The following CLYBL variants were observed in gnomAD, a reference collection of about 807,000 sequenced individuals.
CLYBL encodes citramalyl-CoA lyase.
A neutral mutation model predicts 38.9 loss-of-function variants in CLYBL; 31 were observed. That is an observed-to-expected ratio of 0.80 (90% confidence interval 0.60 to 1.08). The LOEUF (loss-of-function observed/expected upper bound fraction) is 1.08, where lower values mean the gene tolerates loss of function less well. Among genes scored for constraint, CLYBL ranks in the 50% least tolerant of loss-of-function variants. CLYBL has a pLI of 0.00. For synonymous variants in CLYBL, 171 were observed against 158.6 expected (o/e 1.08, Z -0.59); for missense variants, 434 against 411.6 (o/e 1.05, Z -0.47).
chr13:99,743,804 A>G lies in CLYBL; in HGVS notation c.63-29020A>G, dbSNP rs193096208. 4.6e-5 allele frequency among the ~76,000 whole-genome samples: 7 copies of G among 152,318 alleles called. No homozygotes were observed. The East Asian group carries it at 1.3e-3, about 29-fold the overall frequency. ...AATTACAAAATTGTAATAAATTGTA[A>G]TAAATTGTAATTACAATATTGGTAT... On this transcript the variant is annotated intron_variant, in intron 1 of 8. Transcript: ENST00000339105.
intron 1 of CLYBL, among the ~76,000 whole-genome samples, chr13:99,684,330 C>T (rs184076860): frequency 1.3e-5 from 2 of 150,966 alleles, no homozygotes; most frequent in African/African-American, 4.9e-5. Context: ...CAGGTGCGTG[C>T]CACCACACCC....
At chr13:99,793,783 A>G (rs2049966597) in intron 2 of CLYBL, among the ~76,000 whole-genome samples, 1 of 152,090 alleles carries the variant, frequency 6.6e-6, no homozygotes, top group African/African-American at 2.4e-5. Context: ...TAGGAATCCA[A>G]TTAAGTAAGA....
intron 1 of CLYBL, among the ~76,000 whole-genome samples, chr13:99,768,478 C>A (rs1594169761): frequency 7.0e-6 from 1 of 143,792 alleles, no homozygotes; most frequent in African/African-American, 2.6e-5. Flanking sequence ...CAGGTGTGAG[C>A]CACTGCGCCC....
At chr13:99,669,249 G>A (rs755033464) in intron 1 of CLYBL, among the ~76,000 whole-genome samples, 1 of 152,052 alleles carries the variant, frequency 6.6e-6, no homozygotes, top group Non-Finnish European at 1.5e-5. Context: ...TGATCTGCCC[G>A]CCTCAGCCTC....
chr13:99,676,972 TAAA>T (rs35020187), intron 1 of CLYBL, among the ~76,000 whole-genome samples: 2 of 145,966 alleles, frequency 1.4e-5, no homozygotes, highest in Admixed American at 6.9e-5. Context: ...GACTAGAGGT[TAAA>T]AAAAAAAAAA....
chr13:99,677,187 A>G (rs993369884), intron 1 of CLYBL, among the ~76,000 whole-genome samples: 7 of 152,210 alleles, frequency 4.6e-5, no homozygotes, highest in African/African-American at 1.7e-4. Flanking sequence ...ATCTACCTGC[A>G]TTGGCGTATT....
intron 2 of CLYBL, among the ~76,000 whole-genome samples, chr13:99,784,449 C>CTTT (rs772465561): frequency 5.2e-4 from 27 of 52,116 alleles, no homozygotes; most frequent in South Asian, 3.0e-3. Flanking sequence ...AAAATTCTCT[C>CTTT]TTTTTTTTTT....
At position 99,704,048 on chromosome 13, in the gene CLYBL, A is replaced by G. The variant is rs566761634; in HGVS notation, c.63-68776A>G. On this transcript the variant is annotated intron_variant, in intron 1 of 8. Coordinates refer to ENST00000339105, the MANE Select transcript of CLYBL (RefSeq NM_206808.5). ...TGGTAAAGGAAAAAAGCACCTGTGG[A>G]AGTTATTTATGTAAAAGTTGCTTAT... is the stretch of plus-strand genomic sequence containing the variant. Among the ~76,000 whole-genome samples the G allele has an allele frequency of 4.6e-5, 7 of 152,254 alleles. No individual in the cohort carries two copies. The South Asian group carries it at 8.3e-4, about 18-fold the overall frequency.
intron 1 of CLYBL, among the ~76,000 whole-genome samples, chr13:99,634,755 T>C (rs958077879): frequency 1.3e-5 from 2 of 152,212 alleles, no homozygotes; most frequent in African/African-American, 4.8e-5. Context: ...TGTTTCTCCC[T>C]TGTAAGGAAT....
chr13:99,905,829 G>A (rs1034197015), intron 9 of CLYBL, among the ~76,000 whole-genome samples: 2 of 151,562 alleles, frequency 1.3e-5, no homozygotes, highest in African/African-American at 2.4e-5. Context: ...ACAGCTGCAC[G>A]ATCTCGGCTC....
At chr13:99,631,111 C>G (rs1413580255) in intron 1 of CLYBL, among the ~76,000 whole-genome samples, 1 of 152,130 alleles carries the variant, frequency 6.6e-6, no homozygotes, top group Non-Finnish European at 1.5e-5. Context: ...TACTTGAGCT[C>G]AGGAGTTCGA....
intron 7 of CLYBL, among the ~76,000 whole-genome samples, chr13:99,880,068 A>ATATATATTTTT (rs34063235): frequency 1.2e-4 from 12 of 101,188 alleles, no homozygotes; most frequent in African/African-American, 4.1e-4. Context: ...ATATATATAT[A>ATATATATTTTT]TTTTTTTTTT....
At chr13:99,644,963 A>C (rs886131697) in intron 1 of CLYBL, among the ~76,000 whole-genome samples, 20 of 152,330 alleles carry the variant, frequency 1.3e-4, no homozygotes, top group African/African-American at 4.6e-4. Flanking sequence ...TATTGTGAAT[A>C]CTGCTGCAAT....
rs952398992 is a variant in CLYBL at position 99,862,992 on chromosome 13, T to C, written c.440T>C (p.Phe147Ser). The C allele has an allele frequency of 6.3e-7, 1 of 1,598,626 alleles. No individual in the cohort carries two copies. The highest frequency in any genetic ancestry group is 8.6e-7 in the Non-Finnish European group (1 of 1,168,264). ...KVESPEEIQW[F>S]ADKFSFHLKG... Reference sequence around the variant, plus strand: ...CACCTATGACACTTCTGATTTTAGTTTGCAGACAAATTTTCATTCCACTTA... The same window carrying C: ...CACCTATGACACTTCTGATTTTAGTCTGCAGACAAATTTTCATTCCACTTA... The change falls in exon 4 of 9, where the codon TTT (phenylalanine) becomes TCT (serine). Residue 147 changes from phenylalanine (F) to serine (S), a missense_variant and splice_region_variant. Coordinates refer to ENST00000339105, the MANE Select transcript of CLYBL (RefSeq NM_206808.5).
chr13:99,723,159 T>A (rs1456100924), intron 1 of CLYBL, among the ~76,000 whole-genome samples: 1 of 152,248 alleles, frequency 6.6e-6, no homozygotes. Flanking sequence ...AGGAGCTGGC[T>A]TTAAAACACC....
At chr13:99,631,203 T>C (rs1164697202) in intron 1 of CLYBL, among the ~76,000 whole-genome samples, 1 of 152,066 alleles carries the variant, frequency 6.6e-6, no homozygotes, top group Non-Finnish European at 1.5e-5. Flanking sequence ...ATGCCTGTAG[T>C]GCCAGCTACT....
intron 1 of CLYBL, among the ~76,000 whole-genome samples, chr13:99,641,748 C>T (rs1009040052): frequency 6.6e-6 from 1 of 151,846 alleles, no homozygotes; most frequent in Non-Finnish European, 1.5e-5. Flanking sequence ...GGAGGTGGAG[C>T]TTGCAGTGAG....
At chr13:99,899,431 G>A (rs557162917), downstream of CLYBL, among the ~76,000 whole-genome samples, 3 of 152,292 alleles carry the variant, frequency 2.0e-5, no homozygotes, top group South Asian at 4.2e-4. Context: ...CTGAGCATCT[G>A]CTTCTAGAGC....
chr13:99,816,809 T>G (rs1411152132), intron 2 of CLYBL, among the ~76,000 whole-genome samples: 1 of 152,132 alleles, frequency 6.6e-6, no homozygotes, highest in African/African-American at 2.4e-5. Flanking sequence ...AGCCACCCAG[T>G]CTATGGTATT....
Sources: allele counts gnomAD v4.1 joint callset (sites outside exome capture counted in the v4.1 genomes callset), GRCh38; gene constraint gnomAD v4.1.1; transcripts MANE v1.5; gene names NCBI Gene and HGNC (gene_info 2026-07-23, HGNC 2026-07-21).